MLLT3: variants seen among roughly 807,000 people sequenced by gnomAD.
The protein encoded by MLLT3 is protein AF-9.
A neutral mutation model predicts 53.2 loss-of-function variants in MLLT3; 4 were observed. The ratio of observed to expected loss-of-function variants is 0.08; its 90% CI spans 0.04 to 0.17. MLLT3 has a LOEUF of 0.17. MLLT3 is among the 10% of genes least tolerant of loss of function. The probability of loss-of-function intolerance (pLI) is 1.00; values close to 1 mark genes in which losing one functional copy is unlikely to be tolerated. For synonymous variants in MLLT3, 283 were observed against 230.6 expected (o/e 1.23, Z -2.06); for missense variants, 569 against 684.0 (o/e 0.83, Z 1.87).
intron 10 of MLLT3, among the ~76,000 whole-genome samples, chr9:20,350,467 C>T (rs897343263): frequency 9.3e-5 from 14 of 150,700 alleles, no homozygotes; most frequent in East Asian, 2.0e-4. Flanking sequence ...TGGTGGCGGG[C>T]GCCTGTAGTC....
intron 5 of MLLT3, among the ~76,000 whole-genome samples, chr9:20,405,579 T>A (rs180987772): frequency 6.6e-6 from 1 of 152,294 alleles, no homozygotes; most frequent in Admixed American, 6.5e-5. Flanking sequence ...ACAAAAGCTA[T>A]CTTACCTATT....
intron 2 of MLLT3, among the ~76,000 whole-genome samples, chr9:20,496,185 A>G (rs1825076242): frequency 6.6e-6 from 1 of 152,212 alleles, no homozygotes; most frequent in Non-Finnish European, 1.5e-5. Context: ...GCCTTGTTCT[A>G]AACAGAGCCC....
intron 2 of MLLT3, among the ~76,000 whole-genome samples, chr9:20,608,713 T>C (rs750290492): frequency 9.2e-5 from 14 of 151,958 alleles, no homozygotes; most frequent in Non-Finnish European, 1.9e-4. Context: ...CTTAATCATG[T>C]TCCAAATTAC....
At chr9:20,375,657 G>C (rs113092567) in intron 5 of MLLT3, among the ~76,000 whole-genome samples, 5 of 148,400 alleles carry the variant, frequency 3.4e-5, no homozygotes, top group African/African-American at 1.3e-4. Flanking sequence ...ACCCAGGCTG[G>C]AGTGCAGTGG....
At chr9:20,466,371 T>C (rs952565462) in intron 2 of MLLT3, among the ~76,000 whole-genome samples, 2 of 152,098 alleles carry the variant, frequency 1.3e-5, no homozygotes, top group Admixed American at 1.3e-4. Context: ...CTTAACATTA[T>C]GTGAAAAAAA....
chr9:20,534,410 A>G (rs114400047), intron 2 of MLLT3, among the ~76,000 whole-genome samples: 3,084 of 152,330 alleles, frequency 0.02, 101 homozygotes, highest in African/African-American at 0.069. Context: ...GCTATCAAAC[A>G]GATCATTCCA....
chr9:20,430,462 C>T (rs368415794), intron 4 of MLLT3, among the ~76,000 whole-genome samples: 10 of 152,262 alleles, frequency 6.6e-5, no homozygotes, highest in African/African-American at 2.4e-4. Flanking sequence ...CCCTTCCAAA[C>T]AGACTCATAA....
chr9:20,389,431 T>C (rs1451911085), intron 5 of MLLT3, among the ~76,000 whole-genome samples: 1 of 152,120 alleles, frequency 6.6e-6, no homozygotes, highest in Middle Eastern at 3.2e-3. Context: ...GCCAGTGAAA[T>C]TGTTCCAGTA....
intron 2 of MLLT3, among the ~76,000 whole-genome samples, chr9:20,599,544 C>G (rs777201147): frequency 2.0e-5 from 3 of 151,256 alleles, no homozygotes; most frequent in Non-Finnish European, 4.4e-5. Flanking sequence ...GAATATTGTA[C>G]TAAGCCAGAC....
intron 5 of MLLT3, among the ~76,000 whole-genome samples, chr9:20,397,436 T>A (rs1352957205): frequency 6.6e-6 from 1 of 152,126 alleles, no homozygotes; most frequent in Non-Finnish European, 1.5e-5. Flanking sequence ...AGAGTGAGTA[T>A]GCTTTTCAGG....
At chr9:20,512,864 T>C (rs1308102174) in intron 2 of MLLT3, among the ~76,000 whole-genome samples, 1 of 152,210 alleles carries the variant, frequency 6.6e-6, no homozygotes, top group Admixed American at 6.5e-5. Flanking sequence ...TGGTTAGAAC[T>C]CCTGTTTATG....
At chr9:20,609,939 CAT>C (rs1368611693) in intron 2 of MLLT3, among the ~76,000 whole-genome samples, 2 of 152,088 alleles carry the variant, frequency 1.3e-5, no homozygotes, top group African/African-American at 4.8e-5. Flanking sequence ...AAATACTCCA[CAT>C]GTCTATTGTC....
intron 2 of MLLT3, among the ~76,000 whole-genome samples, chr9:20,483,120 A>G (rs1441536664): frequency 6.6e-6 from 1 of 152,138 alleles, no homozygotes; most frequent in Non-Finnish European, 1.5e-5. Context: ...ATCATTTCAG[A>G]CTCTTAAAAG....
intron 5 of MLLT3, among the ~76,000 whole-genome samples, chr9:20,402,799 C>T (rs1480303045): frequency 6.6e-6 from 1 of 151,970 alleles, no homozygotes; most frequent in South Asian, 2.1e-4. Context: ...GGATTTGCAC[C>T]CTACCCTTTT....
intron 10 of MLLT3, among the ~76,000 whole-genome samples, chr9:20,348,360 G>A (rs1192501728): frequency 1.3e-5 from 2 of 152,142 alleles, no homozygotes; most frequent in East Asian, 3.8e-4. Context: ...ACTGTTTTCA[G>A]GAATATTTCT....
At chr9:20,508,232 G>C (rs1373203632) in intron 2 of MLLT3, among the ~76,000 whole-genome samples, 1 of 152,142 alleles carries the variant, frequency 6.6e-6, no homozygotes, top group Non-Finnish European at 1.5e-5. Flanking sequence ...AAACAAGTAA[G>C]GATGACAACA....
At chr9:20,554,214 A>G (rs940160538) in intron 2 of MLLT3, among the ~76,000 whole-genome samples, 1 of 152,092 alleles carries the variant, frequency 6.6e-6, no homozygotes, top group Non-Finnish European at 1.5e-5. Flanking sequence ...CCACTTCCTT[A>G]CCCAAAAACT....
At chr9:20,617,457 G>C (rs547991665) in intron 2 of MLLT3, among the ~76,000 whole-genome samples, 1 of 152,166 alleles carries the variant, frequency 6.6e-6, no homozygotes, top group African/African-American at 2.4e-5. Context: ...ATAAGCAACA[G>C]ATTTCATATC....
chr9:20,616,808 C>G (rs924325186), intron 2 of MLLT3, among the ~76,000 whole-genome samples: 1 of 152,044 alleles, frequency 6.6e-6, no homozygotes, highest in African/African-American at 2.4e-5. Flanking sequence ...CAAATTTTGA[C>G]TATTACAAAA....
Sources: gnomAD v4.1 joint callset for allele counts (sites outside exome capture counted in the v4.1 genomes callset) on GRCh38, gnomAD v4.1.1 for gene constraint, MANE v1.5 for transcripts, NCBI Gene and HGNC (gene_info 2026-07-23, HGNC 2026-07-21) for gene names.